ZNF148: variants seen among roughly 807,000 people sequenced by gnomAD.
ZNF148 encodes the protein zinc finger protein 148, also known as Beta-Enolase Repressor Factor-1.
ZNF148 carries 7 observed loss-of-function variants against 67.7 expected under a neutral mutation model. The ratio of observed to expected loss-of-function variants is 0.10; its 90% CI spans 0.06 to 0.19. ZNF148 has a LOEUF of 0.19. ZNF148 is among the 10% of genes least tolerant of loss of function. ZNF148 has a pLI of 1.00. For synonymous variants in ZNF148, 333 were observed against 330.7 expected (o/e 1.01, Z -0.08); for missense variants, 583 against 947.1 (o/e 0.62, Z 5.05).
At chr3:125,243,944 T>C (rs1286352481) in intron 7 of ZNF148, among the ~76,000 whole-genome samples, 2 of 152,234 alleles carry the variant, frequency 1.3e-5, no homozygotes, top group African/African-American at 2.4e-5. Flanking sequence ...TTTTTCCCCT[T>C]GAGGGCTAAA....
intron 7 of ZNF148, among the ~76,000 whole-genome samples, chr3:125,250,561 A>G (rs929175560): frequency 1.3e-5 from 2 of 152,236 alleles, no homozygotes; most frequent in African/African-American, 4.8e-5. Flanking sequence ...CTATAGTTAA[A>G]AAAAATGTAG....
chr3:125,340,987 CAAAAAAAAAA>C (rs934719609), intron 1 of ZNF148, among the ~76,000 whole-genome samples: 3 of 12,168 alleles, frequency 2.5e-4, no homozygotes, highest in Non-Finnish European at 3.8e-4. Flanking sequence ...GACTCCGGCT[CAAAAAAAAAA>C]AAAAAAAAAA....
chr3:125,299,466 G>A (rs1939470914), intron 4 of ZNF148, among the ~76,000 whole-genome samples: 1 of 152,142 alleles, frequency 6.6e-6, no homozygotes, highest in Admixed American at 6.5e-5. Context: ...GGAGTTCAAG[G>A]CCAGCCTGGG....
intron 3 of ZNF148, among the ~76,000 whole-genome samples, chr3:125,316,054 T>A (rs1940478034): frequency 6.6e-6 from 1 of 152,186 alleles, no homozygotes; most frequent in Admixed American, 6.5e-5. Context: ...ATCCATGAGT[T>A]CAACTGTTTT....
intron 1 of ZNF148, among the ~76,000 whole-genome samples, chr3:125,348,129 A>G (rs1337462654): frequency 3.3e-5 from 5 of 151,750 alleles, no homozygotes; most frequent in Admixed American, 2.6e-4. Flanking sequence ...GCGTGGTGGC[A>G]TGTGCCATAG....
intron 7 of ZNF148, among the ~76,000 whole-genome samples, chr3:125,265,924 T>C (rs1293346775): frequency 2.0e-5 from 3 of 152,152 alleles, no homozygotes; most frequent in African/African-American, 7.2e-5. Context: ...GGGTCATTAT[T>C]CTTGTATCAG....
chr3:125,358,096 G>T (rs1942422513), intron 1 of ZNF148, among the ~76,000 whole-genome samples: 1 of 152,202 alleles, frequency 6.6e-6, no homozygotes, highest in Non-Finnish European at 1.5e-5. Flanking sequence ...CGGATCACGT[G>T]AAGTCAGGAG....
At chr3:125,351,515 A>C (rs559761995) in intron 1 of ZNF148, among the ~76,000 whole-genome samples, 1 of 152,246 alleles carries the variant, frequency 6.6e-6, no homozygotes, top group East Asian at 1.9e-4. Context: ...TTGCACACTT[A>C]GAAATTTGTT....
At chr3:125,323,157 G>T (rs1156858582) in intron 3 of ZNF148, among the ~76,000 whole-genome samples, 152 bp downstream of exon 3, 3 of 151,794 alleles carry the variant, frequency 2.0e-5, no homozygotes, top group Non-Finnish European at 4.4e-5. Context: ...TCTTTTCTCA[G>T]GAAAAAAACT....
intron 4 of ZNF148, among the ~76,000 whole-genome samples, chr3:125,296,395 T>C (rs1939287939): frequency 6.6e-6 from 1 of 152,248 alleles, no homozygotes; most frequent in Non-Finnish European, 1.5e-5. Context: ...AGTGCTGGGA[T>C]TACAGGCGTG....
chr3:125,250,371 C>T (rs1936785701), intron 7 of ZNF148, among the ~76,000 whole-genome samples: 1 of 152,130 alleles, frequency 6.6e-6, no homozygotes, highest in African/African-American at 2.4e-5. Flanking sequence ...TGCTAATAAA[C>T]CAAGCCTGGG....
At chr3:125,333,686 C>T (rs1941381722) in intron 1 of ZNF148, among the ~76,000 whole-genome samples, 1 of 152,192 alleles carries the variant, frequency 6.6e-6, no homozygotes, top group Non-Finnish European at 1.5e-5. Flanking sequence ...AATATTCCTC[C>T]TTAGCAATTC....
intron 3 of ZNF148, 76 bp from the exon 4 acceptor site, chr3:125,313,732 A>T: frequency 1.7e-6 from 2 of 1,197,516 alleles, no homozygotes; most frequent in African/African-American, 1.5e-5. Flanking sequence ...TTTCAAATTA[A>T]GAATTTGAAC....
chr3:125,355,238 T>TACA (rs1942298091), intron 1 of ZNF148, among the ~76,000 whole-genome samples: 1 of 152,218 alleles, frequency 6.6e-6, no homozygotes, highest in African/African-American at 2.4e-5. Flanking sequence ...TCAATTAGAT[T>TACA]ACAAATAACT....
At chr3:125,340,879 T>C (rs1421859468) in intron 1 of ZNF148, among the ~76,000 whole-genome samples, 1 of 147,896 alleles carries the variant, frequency 6.8e-6, no homozygotes, top group Non-Finnish European at 1.5e-5. Context: ...TCCCAGCTAC[T>C]TGGGAGGCTG....
At chr3:125,313,121 CTAAAA>C (rs1373088691) in intron 4 of ZNF148, among the ~76,000 whole-genome samples, 182 bp downstream of exon 4, 1 of 152,116 alleles carries the variant, frequency 6.6e-6, no homozygotes, top group Non-Finnish European at 1.5e-5. Flanking sequence ...AAATAAGCTT[CTAAAA>C]TAATATAATA....
At chr3:125,353,248 T>C (rs1384627447) in intron 1 of ZNF148, among the ~76,000 whole-genome samples, 2 of 151,994 alleles carry the variant, frequency 1.3e-5, no homozygotes, top group African/African-American at 4.8e-5. Context: ...AACAAAACTA[T>C]AGATAGTAAA....
In ZNF148 at chr3:125,226,380, ATATTT is replaced by A. The variant is rs1488806168; in HGVS notation, c.*5956_*5960del. On this transcript the variant is annotated 3_prime_UTR_variant, in exon 9 of 9. Transcript: ENST00000360647. ...AAAATTATCCATAAAACTGTATTCT[ATATTT>A]TATTTTTCAAACAGCCAGTGTCCAC... is the stretch of plus-strand genomic sequence containing the variant. 2 of 152,306 alleles carry A rather than the reference ATATTT, an allele frequency of 1.3e-5. No homozygotes were observed. Among genetic ancestry groups the A allele is most frequent in the African/African-American group, 4.8e-5 (2 of 41,466 alleles). 9.4% of individuals were successfully genotyped at this position (152,306 alleles called of 1,614,324 possible).
chr3:125,308,196 A>G (rs1939995456), intron 4 of ZNF148, among the ~76,000 whole-genome samples: 1 of 152,236 alleles, frequency 6.6e-6, no homozygotes, highest in African/African-American at 2.4e-5. Context: ...TAAAGATAAC[A>G]AAGTCACAGA....
Sources: allele counts gnomAD v4.1 joint callset (sites outside exome capture counted in the v4.1 genomes callset), GRCh38; gene constraint gnomAD v4.1.1; transcripts MANE v1.5; gene names NCBI Gene and HGNC (gene_info 2026-07-23, HGNC 2026-07-21).